Variants in COMMD10 observed in about 807,000 individuals in gnomAD.
COMMD10 encodes the protein COMM domain containing 10, also known as COMM domain-containing protein 10.
Under a neutral mutation model 28.9 loss-of-function variants are expected in COMMD10, and 33 were observed. The observed-to-expected ratio is 1.14, with a 90% CI of 0.87 to 1.53. COMMD10 has a LOEUF of 1.53. Among genes scored for constraint, COMMD10 ranks in the 40% most tolerant of loss-of-function variants. The pLI is 0.00. For missense variants in COMMD10, 310 were observed against 233.4 expected (o/e 1.33, Z -2.14); for synonymous variants, 110 against 81.7 (o/e 1.35, Z -1.87).
chr5:116,087,917 G>T (rs562170872), intron 2 of COMMD10, among the ~76,000 whole-genome samples: 1 of 152,238 alleles, frequency 6.6e-6, no homozygotes, highest in African/African-American at 2.4e-5. Flanking sequence ...TGGGACTAAA[G>T]TTCTAAAAAT....
chr5:116,285,071 T>C lies in COMMD10; in HGVS notation c.511-6446T>C, dbSNP rs747734985. ...AAGCAAACTTGTGACTTCCTAGTTATAGTCCTAAGGAAAGCTGAATGTGTT... is the reference window on the plus strand; with the variant it reads ...AAGCAAACTTGTGACTTCCTAGTTACAGTCCTAAGGAAAGCTGAATGTGTT... On this transcript the variant is annotated intron_variant, in intron 5 of 6. Transcript: ENST00000274458. 1.5e-3 allele frequency among the ~76,000 whole-genome samples: 222 copies of C among 152,036 alleles called. 1 individual carries two copies. Among genetic ancestry groups the C allele is most frequent in the Non-Finnish European group, 1.1e-3 (77 of 68,028 alleles).
rs534930461 is a variant in COMMD10 at position 116,229,199 on chromosome 5, C to A, written c.511-62318C>A. 1.5e-3 allele frequency among the ~76,000 whole-genome samples: 233 copies of A among 152,034 alleles called. 4 individuals are homozygous for A. The South Asian group carries it at 0.017, about 11-fold the overall frequency. On this transcript the variant is annotated intron_variant, in intron 5 of 6. Transcript: ENST00000274458. ...ATAGAATGAAAGATGAGGCATTGAA[C>A]TTGTATCTAAGATTGATGATTTGTT...
At chr5:116,086,171 C>T (rs995338805) in intron 1 of COMMD10, among the ~76,000 whole-genome samples, 1 of 152,126 alleles carries the variant, frequency 6.6e-6, no homozygotes, top group South Asian at 2.1e-4. Flanking sequence ...TCATTTTCTC[C>T]GCCTATGCCA....
intron 5 of COMMD10, among the ~76,000 whole-genome samples, chr5:116,191,067 A>G (rs1474178590): frequency 6.6e-6 from 1 of 152,140 alleles, no homozygotes; most frequent in Non-Finnish European, 1.5e-5. Context: ...ATGAATGAAA[A>G]TACGAGTTTA....
intron 5 of COMMD10, among the ~76,000 whole-genome samples, chr5:116,287,497 G>A (rs1751249311): frequency 6.6e-6 from 1 of 151,494 alleles, no homozygotes; most frequent in African/African-American, 2.4e-5. Flanking sequence ...TTGTAAACAG[G>A]GTATAGTTGG....
At chr5:116,265,886 T>G (rs989392602) in intron 5 of COMMD10, among the ~76,000 whole-genome samples, 1 of 151,692 alleles carries the variant, frequency 6.6e-6, no homozygotes, top group South Asian at 2.1e-4. Flanking sequence ...GAAGACAAGA[T>G]CCTACCCTTA....
intron 5 of COMMD10, among the ~76,000 whole-genome samples, chr5:116,271,872 CTG>C (rs1212792036): frequency 1.3e-5 from 2 of 151,818 alleles, no homozygotes; most frequent in East Asian, 3.9e-4. Context: ...TTTCCCAACT[CTG>C]TGATACAAAT....
intron 5 of COMMD10, among the ~76,000 whole-genome samples, chr5:116,156,465 T>C (rs1752714273): frequency 2.0e-5 from 3 of 152,186 alleles, no homozygotes; most frequent in Non-Finnish European, 4.4e-5. Context: ...TGAAGAGGTC[T>C]TTCCAGATTG....
intron 5 of COMMD10, among the ~76,000 whole-genome samples, chr5:116,155,738 A>T (rs1047440058): frequency 6.6e-6 from 1 of 152,016 alleles, no homozygotes; most frequent in Non-Finnish European, 1.5e-5. Flanking sequence ...TTTTAATTAG[A>T]TTTAGATTCA....
intron 5 of COMMD10, among the ~76,000 whole-genome samples, chr5:116,152,208 T>C (rs1752551537): frequency 6.6e-6 from 1 of 152,228 alleles, no homozygotes; most frequent in African/African-American, 2.4e-5. Flanking sequence ...TTGATTGCAC[T>C]GTGGTCTGAG....
Position 116,134,155 on chromosome 5 carries a change from G to C in COMMD10, c.487G>C (p.Gly163Arg). The change falls in exon 5 of 7, where the codon GGA (glycine) becomes CGA (arginine). Residue 163 changes from glycine (G) to arginine (R), a missense_variant. Physicochemically the swap from Gly to Arg is moderately radical, Grantham distance 125. Coordinates refer to ENST00000274458, the MANE Select transcript of COMMD10 (RefSeq NM_016144.4). ...ATCTCCTCAAGCTGTGTTACAACTC[G>C]GAGTGAACAATGAAGATTCAAAGGT... is the stretch of plus-strand genomic sequence containing the variant. ...LKSPQAVLQLGVNNEDSKSLE... is the reference protein window; with the variant it reads ...LKSPQAVLQLRVNNEDSKSLE... The C allele has an allele frequency of 6.2e-7, 1 of 1,604,120 alleles. No homozygotes were observed. The highest frequency in any genetic ancestry group is 8.5e-7 in the Non-Finnish European group (1 of 1,170,888).
intron 5 of COMMD10, among the ~76,000 whole-genome samples, chr5:116,285,139 A>C (rs1466086983): frequency 2.6e-5 from 4 of 151,898 alleles, no homozygotes; most frequent in African/African-American, 9.7e-5. Context: ...CTTTTGATCA[A>C]ACCCACTCCT....
At chr5:116,121,599 C>A (rs866709334) in intron 4 of COMMD10, among the ~76,000 whole-genome samples, 3 of 152,152 alleles carry the variant, frequency 2.0e-5, no homozygotes, top group Middle Eastern at 3.2e-3. Flanking sequence ...CTCCCACCAA[C>A]AGTGTAAAAG....
chr5:116,256,263 A>C (rs1561395259), intron 5 of COMMD10, among the ~76,000 whole-genome samples: 3 of 151,812 alleles, frequency 2.0e-5, no homozygotes, highest in Admixed American at 6.6e-5. Context: ...CTTGAAGACT[A>C]GTGGAAACTT....
chr5:116,113,607 T>G (rs1289381441), intron 4 of COMMD10, among the ~76,000 whole-genome samples: 5 of 152,034 alleles, frequency 3.3e-5, no homozygotes, highest in Admixed American at 3.3e-4. Context: ...GTATTTTATA[T>G]CTCCTTCAGT....
chr5:116,188,213 A>G (rs962470010), intron 5 of COMMD10, among the ~76,000 whole-genome samples: 3 of 152,136 alleles, frequency 2.0e-5, no homozygotes, highest in Non-Finnish European at 4.4e-5. Context: ...ATCAACTCCT[A>G]AGGGACAAGC....
intron 5 of COMMD10, among the ~76,000 whole-genome samples, chr5:116,197,100 G>GT (rs58142901): frequency 0.31 from 47,309 of 151,794 alleles, 10,150 homozygotes; most frequent in African/African-American, 0.62. Context: ...TTATTCTAAA[G>GT]TAAACCCTTT....
chr5:116,125,268 G>T (rs927061913), intron 4 of COMMD10, among the ~76,000 whole-genome samples: 1 of 151,982 alleles, frequency 6.6e-6, no homozygotes. Context: ...AAGTCTGTCA[G>T]CATTTGTCTG....
At chr5:116,121,231 G>A (rs1160611030) in intron 4 of COMMD10, among the ~76,000 whole-genome samples, 3 of 152,076 alleles carry the variant, frequency 2.0e-5, no homozygotes, top group Non-Finnish European at 2.9e-5. Flanking sequence ...AACATGCGGT[G>A]TTTGGTTTTC....
Sources: allele counts gnomAD v4.1 joint callset (sites outside exome capture counted in the v4.1 genomes callset), GRCh38; gene constraint gnomAD v4.1.1; transcripts MANE v1.5; gene names NCBI Gene and HGNC (gene_info 2026-07-23, HGNC 2026-07-21).